CNOT9: variants seen among roughly 807,000 people sequenced by gnomAD.
CNOT9 encodes RCD1 required for cell differentiation1 homolog.
Under a neutral mutation model 37.4 loss-of-function variants are expected in CNOT9, and 8 were observed. That is an observed-to-expected ratio of 0.21 (90% CI 0.13 to 0.39). The LOEUF (loss-of-function observed/expected upper bound fraction) is 0.39, where lower values mean the gene tolerates loss of function less well. Ranked by LOEUF, CNOT9 falls within the 10% of genes least tolerant of loss-of-function variation. The probability of loss-of-function intolerance (pLI) is 1.00; values close to 1 mark genes in which losing one functional copy is unlikely to be tolerated. For missense variants in CNOT9, 154 were observed against 365.3 expected (o/e 0.42, Z 4.71); for synonymous variants, 120 against 137.6 (o/e 0.87, Z 0.90).
chr2:218,595,599 C>G lies in CNOT9; in HGVS notation c.*1323C>G, dbSNP rs1419181622. ...ACTGCCTTGCTTTCCCCGGTTCTTT[C>G]CCCTGCTAGCACCTGCTTTCTCATC... On this transcript the variant is annotated 3_prime_UTR_variant, in exon 8 of 8. Transcript: ENST00000273064. 6.6e-6 allele frequency: 1 copy of G among 151,608 alleles called. No individual in the cohort carries two copies. Among genetic ancestry groups the G allele is most frequent in the Admixed American group, 6.6e-5 (1 of 15,192 alleles). 9.4% of individuals were successfully genotyped at this position (151,608 alleles called of 1,614,324 possible).
chr2:218,594,401 A>G lies in CNOT9; in HGVS notation c.*125A>G. 1 of 1,108,640 alleles carries G rather than the reference A, an allele frequency of 9.0e-7. No individual in the cohort carries two copies. The highest frequency in any genetic ancestry group is 1.6e-5 in the South Asian group (1 of 62,806). 68.7% of individuals were successfully genotyped at this position (1,108,640 alleles called of 1,614,324 possible). ...ACCTCAATGCTGAACCGCACTGGAG[A>G]AAAGGGGCAAGGTACCCCTGCTGAG... On this transcript the variant is annotated 3_prime_UTR_variant, in exon 8 of 8. Transcript: ENST00000273064.
chr2:218,572,666 T>C (rs904896844), intron 1 of CNOT9: 1 of 985,006 alleles, frequency 1.0e-6, no homozygotes, highest in Non-Finnish European at 1.2e-6. Flanking sequence ...TTGCATGCCA[T>C]AGGTATTCTG....
At chr2:218,569,952 G>GTA (rs887187802) in intron 1 of CNOT9, among the ~76,000 whole-genome samples, 84 of 152,126 alleles carry the variant, frequency 5.5e-4, no homozygotes, top group African/African-American at 2.0e-3. Flanking sequence ...TCTAACTTTA[G>GTA]TAGAGTACCC....
chr2:218,595,736 A>G lies in CNOT9; in HGVS notation c.*1460A>G, dbSNP rs1694911546. The G allele has an allele frequency of 6.6e-6, 1 of 151,346 alleles. No individual in the cohort carries two copies. The highest frequency in any genetic ancestry group is 1.5e-5 in the Non-Finnish European group (1 of 67,826). 9.4% of individuals were successfully genotyped at this position (151,346 alleles called of 1,614,324 possible). A position where few individuals can be genotyped will look rare whatever the true frequency, so the allele number is the denominator to read the frequency against. On this transcript the variant is annotated 3_prime_UTR_variant, in exon 8 of 8. Coordinates refer to ENST00000273064, the MANE Select transcript of CNOT9 (RefSeq NM_005444.3). ...GTCTGAACAAGCTTGGGGAGGGTCT[A>G]TAAGGGGTAGGCTCAAAAAAAAAAA...
chr2:218,592,659 T>C lies in CNOT9; in HGVS notation c.683T>C (p.Leu228Pro). 6.2e-7 allele frequency: 1 copy of C among 1,614,228 alleles called. No individual in the cohort carries two copies. Among genetic ancestry groups the C allele is most frequent in the Non-Finnish European group, 8.5e-7 (1 of 1,180,030 alleles). The part of the protein sequence containing the change: ...LQLSKEPSAR[L>P]LKHVVRCYLR... Reference sequence around the variant, plus strand: ...CTATCCAAAGAGCCTTCTGCCCGTCTGCTGAAGCATGTAGTGAGATGTTAC... The same window carrying C: ...CTATCCAAAGAGCCTTCTGCCCGTCCGCTGAAGCATGTAGTGAGATGTTAC... The change falls in exon 7 of 8, where the codon CTG becomes CCG. Residue 228 changes from leucine to proline, a missense_variant. Around this residue, in one of 2 missense-constraint regions of CNOT9, gnomAD observed 117 missense variants for 325.4 expected, o/e 0.36. Transcript: ENST00000273064. This position sits in a 1 kb window ranked among gnomAD's most constrained non-coding sequence, Gnocchi z 4.1.
chr2:218,594,081 T>C, intron 7 of CNOT9, 27 bp from the exon 8 acceptor site: 1 of 1,612,448 alleles, frequency 6.2e-7, no homozygotes, highest in Non-Finnish European at 8.5e-7. Flanking sequence ...TTGGTCTCCC[T>C]GGTTGGTTTG....
intron 4 of CNOT9, among the ~76,000 whole-genome samples, chr2:218,585,322 G>A (rs941548724): frequency 8.5e-5 from 13 of 152,056 alleles, no homozygotes; most frequent in Non-Finnish European, 1.6e-4. Context: ...CTGAAAACCT[G>A]TAATTCTCCC....
At chr2:218,589,981 GA>G (rs1694720261) in intron 5 of CNOT9, among the ~76,000 whole-genome samples, 1 of 152,130 alleles carries the variant, frequency 6.6e-6, no homozygotes, top group Admixed American at 6.5e-5. Flanking sequence ...TAGCTCTGAG[GA>G]AAGAACATTG....
At chr2:218,576,514 C>T (rs1170465768) in intron 1 of CNOT9, among the ~76,000 whole-genome samples, 1 of 152,160 alleles carries the variant, frequency 6.6e-6, no homozygotes, top group East Asian at 1.9e-4. Flanking sequence ...GCTTTGTAAT[C>T]TCAATAAGTA....
Position 218,568,936 on chromosome 2 carries a change from A to C in CNOT9, c.-19A>C. On this transcript the variant is annotated 5_prime_UTR_variant, in exon 1 of 8. Coordinates refer to ENST00000273064, the MANE Select transcript of CNOT9 (RefSeq NM_005444.3). ...TCGGACGCGTCCGGCTGTGGAAGAG[A>C]GCGGCGGCCGCTCACAACATGCACA... 6.2e-7 allele frequency: 1 copy of C among 1,606,674 alleles called. No individual in the cohort carries two copies. Among genetic ancestry groups the C allele is most frequent in the Non-Finnish European group, 8.5e-7 (1 of 1,176,778 alleles).
intron 2 of CNOT9, among the ~76,000 whole-genome samples, chr2:218,582,215 C>G (rs1468274724): frequency 6.6e-6 from 1 of 152,182 alleles, no homozygotes; most frequent in African/African-American, 2.4e-5. Context: ...TACTACCTAA[C>G]CAAATTCAAA....
At position 218,594,168 on chromosome 2, in the gene CNOT9, G is replaced by A; in HGVS notation, c.792G>A (p.Gln264=). The A allele has an allele frequency of 1.2e-6, 2 of 1,614,214 alleles. No homozygotes were observed. The highest frequency in any genetic ancestry group is 1.7e-6 in the Non-Finnish European group (2 of 1,180,032). ...PDQLKDTTFA[Q]VLKDDTTTKR... is the part of the protein sequence containing the mutation. Reference sequence around the variant, plus strand: ...AGCTGAAAGACACAACCTTCGCCCAGGTGCTAAAAGATGACACCACCACGA... The same window carrying A: ...AGCTGAAAGACACAACCTTCGCCCAAGTGCTAAAAGATGACACCACCACGA... Residue 264 remains glutamine (Q), a synonymous_variant, in exon 8 of 8, where the codon CAG becomes CAA. Coordinates refer to ENST00000273064, the MANE Select transcript of CNOT9 (RefSeq NM_005444.3).
intron 1 of CNOT9, among the ~76,000 whole-genome samples, chr2:218,575,762 G>A (rs1694145152): frequency 6.6e-6 from 1 of 152,060 alleles, no homozygotes; most frequent in African/African-American, 2.4e-5. Flanking sequence ...CTCTTGGTTG[G>A]TATCCTGCAA....
At chr2:218,582,568 TAGTCCCAG>T in intron 2 of CNOT9, among the ~76,000 whole-genome samples, 2 of 152,264 alleles carry the variant, frequency 1.3e-5, no homozygotes, top group Middle Eastern at 6.8e-3. Context: ...CAGGCGCCTG[TAGTCCCAG>T]CTACTCTGGA....
intron 3 of CNOT9, among the ~76,000 whole-genome samples, chr2:218,583,665 G>C (rs903107911): frequency 2.6e-5 from 4 of 152,124 alleles, no homozygotes; most frequent in African/African-American, 9.7e-5. Context: ...GCACTTAATA[G>C]TCATCTTATT....
chr2:218,587,894 C>T (rs986081528), intron 5 of CNOT9, among the ~76,000 whole-genome samples, 199 bp downstream of exon 5: 11 of 152,178 alleles, frequency 7.2e-5, no homozygotes, highest in African/African-American at 2.7e-4. Flanking sequence ...TTTCTTTTCT[C>T]CAAACCCACA....
chr2:218,570,826 T>TAATAA (rs1693965758), intron 1 of CNOT9, among the ~76,000 whole-genome samples: 1 of 152,236 alleles, frequency 6.6e-6, no homozygotes, highest in Non-Finnish European at 1.5e-5. Context: ...ACTCAATACA[T>TAATAA]GTTTCTTCAC....
chr2:218,572,719 A>G (rs747848499), intron 1 of CNOT9: 41 of 984,526 alleles, frequency 4.2e-5, no homozygotes, highest in Admixed American at 1.2e-4. Context: ...GTAAGCCTTT[A>G]GGGGATGTGT....
chr2:218,569,285 T>G (rs1300366442), intron 1 of CNOT9, among the ~76,000 whole-genome samples: 2 of 152,190 alleles, frequency 1.3e-5, no homozygotes, highest in East Asian at 3.8e-4. Context: ...AGGGCGCCAG[T>G]TGTGTTCTGG....
Sources: allele counts gnomAD v4.1 joint callset (sites outside exome capture counted in the v4.1 genomes callset), GRCh38; gene constraint gnomAD v4.1.1; regional missense constraint gnomAD v4.1.1; non-coding constraint Gnocchi (gnomAD v3.1); transcripts MANE v1.5; gene names NCBI Gene and HGNC (gene_info 2026-07-23, HGNC 2026-07-21).